The following GATA3 variants were observed in gnomAD, a reference collection of about 807,000 sequenced individuals.
GATA3 encodes the protein GATA binding protein 3, also known as trans-acting T-cell-specific transcription factor GATA-3.
GATA3 carries 6 observed loss-of-function variants against 36.0 expected under a neutral mutation model. The ratio of observed to expected loss-of-function variants is 0.17; its 90% CI spans 0.09 to 0.33. The LOEUF (loss-of-function observed/expected upper bound fraction) is 0.33. GATA3 is among the 10% of genes least tolerant of loss of function. The pLI, the probability that GATA3 is intolerant of heterozygous loss-of-function variation, is 1.00. For synonymous variants in GATA3, 326 were observed against 273.0 expected (o/e 1.19, Z -1.92); for missense variants, 514 against 610.1 (o/e 0.84, Z 1.66).
At chr10:8,065,374 C>T (rs1832819615) in intron 4 of GATA3, among the ~76,000 whole-genome samples, 1 of 148,826 alleles carries the variant, frequency 6.7e-6, no homozygotes, top group African/African-American at 2.5e-5. Context: ...TCTCCTGTCT[C>T]AGCCTCCTGA....
intron 3 of GATA3, among the ~76,000 whole-genome samples, chr10:8,060,567 G>C (rs530437344): frequency 1.3e-5 from 2 of 151,864 alleles, no homozygotes; most frequent in South Asian, 4.2e-4. Flanking sequence ...TTCTGGTAAG[G>C]CTATGAGGTT....
In GATA3 at chr10:8,074,174, G is replaced by A. The variant is rs1200871591; in HGVS notation, c.*151G>A. On this transcript the variant is annotated 3_prime_UTR_variant, in exon 6 of 6. Coordinates refer to ENST00000379328, the MANE Select transcript of GATA3 (RefSeq NM_001002295.2). ...AAAATTATGTTTGCCACTTTGCAAA[G>A]GAGCTCACTGTGGTGTCTGTGTTCC... 2 of 830,318 alleles carry A rather than the reference G, an allele frequency of 2.4e-6. No homozygotes were observed. The highest frequency in any genetic ancestry group is 3.7e-6 in the Non-Finnish European group (2 of 542,474). The allele number at this position is 830,318 out of a possible 1,614,324, so 51.4% of individuals were successfully genotyped here.
Position 8,074,203 on chromosome 10 carries a change from C to T in GATA3, c.*180C>T. ...CTCACTGTGGTGTCTGTGTTCCAAC[C>T]ACTGAATCTGGACCCCATCTGTGAA... is the stretch of plus-strand genomic sequence containing the variant. On this transcript the variant is annotated 3_prime_UTR_variant, in exon 6 of 6. Transcript: ENST00000379328. The T allele has an allele frequency of 1.5e-6, 1 of 665,550 alleles. No individual in the cohort carries two copies. The highest frequency in any genetic ancestry group is 2.5e-6 in the Non-Finnish European group (1 of 397,128). The allele number at this position is 665,550 out of a possible 1,614,324, so 41.2% of individuals were successfully genotyped here. A position where few individuals can be genotyped will look rare whatever the true frequency, so the allele number is the denominator to read the frequency against.
intron 3 of GATA3, among the ~76,000 whole-genome samples, chr10:8,061,890 C>G (rs1055297021): frequency 2.6e-5 from 4 of 152,224 alleles, no homozygotes; most frequent in African/African-American, 9.6e-5. Context: ...CTCACACTGC[C>G]CTCTGCCCAG....
chr10:8,064,307 TC>T (rs1832798811), intron 4 of GATA3, among the ~76,000 whole-genome samples, 169 bp downstream of exon 4: 7 of 111,920 alleles, frequency 6.3e-5, no homozygotes, highest in African/African-American at 1.9e-4. Context: ...CTTTTCTTCT[TC>T]TTCTTTTTTT....
At chr10:8,046,453 G>A (rs563572226) in intron 1 of GATA3, among the ~76,000 whole-genome samples, 3 of 152,278 alleles carry the variant, frequency 2.0e-5, no homozygotes, top group African/African-American at 7.2e-5. Flanking sequence ...TCACCAGGAT[G>A]CTGGGGTCGC....
chr10:8,063,918 C>A, intron 3 of GATA3, 75 bp from the exon 4 acceptor site: 1 of 1,605,562 alleles, frequency 6.2e-7, no homozygotes, highest in Non-Finnish European at 8.5e-7. Flanking sequence ...TACGTTTCTC[C>A]CCCAGTTCCA....
At chr10:8,060,665 T>A (rs1049132474) in intron 3 of GATA3, among the ~76,000 whole-genome samples, 7 of 152,122 alleles carry the variant, frequency 4.6e-5, no homozygotes, top group Admixed American at 1.3e-4. Context: ...TCTGGTTTCT[T>A]TACCCTCATT....
At chr10:8,063,484 A>C (rs1832782908) in intron 3 of GATA3, among the ~76,000 whole-genome samples, 1 of 152,206 alleles carries the variant, frequency 6.6e-6, no homozygotes, top group South Asian at 2.1e-4. Flanking sequence ...CTGTTCACCT[A>C]TCTAGCCATT....
At position 8,056,681 on chromosome 10, in the gene GATA3, C is replaced by A. The variant is rs145422427; in HGVS notation, c.241+785C>A. 1.5e-3 allele frequency among the ~76,000 whole-genome samples: 221 copies of A among 152,204 alleles called. 2 individuals carry two copies. Among genetic ancestry groups the A allele is most frequent in the African/African-American group, 5.1e-3 (213 of 41,514 alleles). On this transcript the variant is annotated intron_variant, in intron 2 of 5. Transcript: ENST00000379328. ...GCCTTACTCTGTCTCTGGGTACTGC[C>A]CTCCATTAGCCTCCCACCTAAGATG... is the stretch of plus-strand genomic sequence containing the variant.
At chr10:8,067,792 T>TG (rs1832870315) in intron 4 of GATA3, among the ~76,000 whole-genome samples, 1 of 152,194 alleles carries the variant, frequency 6.6e-6, no homozygotes, top group African/African-American at 2.4e-5. Context: ...CACTCCAGCC[T>TG]GGGCGACAGA....
intron 2 of GATA3, among the ~76,000 whole-genome samples, chr10:8,056,138 C>A (rs887448872): frequency 2.6e-5 from 4 of 152,136 alleles, no homozygotes; most frequent in African/African-American, 4.8e-5. Flanking sequence ...TGGGGCCTGG[C>A]GCTCACCTGG....
At position 8,055,803 on chromosome 10, in the gene GATA3, CT is replaced by C; in HGVS notation, c.153del (p.Phe51LeufsTer144). On this transcript the variant is annotated frameshift_variant, in exon 2 of 6. Coordinates refer to ENST00000379328, the MANE Select transcript of GATA3 (RefSeq NM_001002295.2). LOFTEE classifies it high-confidence loss of function. The surrounding 1 kb of genome is among the most constrained non-coding windows in gnomAD (Gnocchi z 5.4). ...QYPLPEEVDV[L>X]FNIDGQGNHV... ...CCCGCTGCCGGAGGAGGTGGATGTGCTTTTTAACATCGACGGTCAAGGCAAC... is the reference window on the plus strand; with the variant it reads ...CCCGCTGCCGGAGGAGGTGGATGTGCTTTTAACATCGACGGTCAAGGCAAC... The C allele has an allele frequency of 6.3e-7, 1 of 1,593,494 alleles. No individual in the cohort carries two copies. The highest frequency in any genetic ancestry group is 1.1e-5 in the South Asian group (1 of 87,626).
intron 3 of GATA3, among the ~76,000 whole-genome samples, chr10:8,059,941 G>T (rs1198215697): frequency 1.3e-5 from 2 of 152,146 alleles, no homozygotes; most frequent in African/African-American, 4.8e-5. Context: ...TCTTGCCTCC[G>T]CTGTCTCTCT....
At chr10:8,047,948 AG>A (rs1832412614) in intron 1 of GATA3, among the ~76,000 whole-genome samples, 1 of 152,050 alleles carries the variant, frequency 6.6e-6, no homozygotes, top group South Asian at 2.1e-4. Context: ...GCATGTCCAA[AG>A]GAAGACAAGA....
upstream of GATA3, among the ~76,000 whole-genome samples, chr10:8,049,913 G>A (rs149304801): frequency 5.3e-5 from 8 of 152,312 alleles, no homozygotes; most frequent in Non-Finnish European, 8.8e-5. Flanking sequence ...CGGTCCTCCG[G>A]CTTCTCTCCT....
At chr10:8,061,303 A>G (rs1832744962) in intron 3 of GATA3, among the ~76,000 whole-genome samples, 1 of 152,056 alleles carries the variant, frequency 6.6e-6, no homozygotes, top group African/African-American at 2.4e-5. Context: ...CTCCACTGCC[A>G]CCTTTCCAGT....
chr10:8,073,122 GC>G (rs777000171), intron 5 of GATA3, among the ~76,000 whole-genome samples: 50 of 147,388 alleles, frequency 3.4e-4, no homozygotes, highest in South Asian at 1.8e-3. Flanking sequence ...TCCAGCCTGG[GC>G]GACAGCGGGA....
chr10:8,055,809 A>G lies in GATA3; in HGVS notation c.154A>G (p.Asn52Asp). 1 of 1,593,272 alleles carries G rather than the reference A, an allele frequency of 6.3e-7. No individual in the cohort carries two copies. Among genetic ancestry groups the G allele is most frequent in the Non-Finnish European group, 8.5e-7 (1 of 1,169,918 alleles). The change falls in exon 2 of 6, where the codon AAC becomes GAC. Residue 52 changes from asparagine to aspartate, a missense_variant. Physicochemically the swap from Asn to Asp is conservative, Grantham distance 23. Transcript: ENST00000379328. The surrounding 1 kb of genome is among the most constrained non-coding windows in gnomAD (Gnocchi z 5.4). ...GCCGGAGGAGGTGGATGTGCTTTTTAACATCGACGGTCAAGGCAACCACGT... is the reference window on the plus strand; with the variant it reads ...GCCGGAGGAGGTGGATGTGCTTTTTGACATCGACGGTCAAGGCAACCACGT... The part of the protein sequence containing the change: ...PLPEEVDVLF[N>D]IDGQGNHVPP...
Sources: gnomAD v4.1 joint callset for allele counts (sites outside exome capture counted in the v4.1 genomes callset) on GRCh38, gnomAD v4.1.1 for gene constraint, Gnocchi (gnomAD v3.1) non-coding constraint, MANE v1.5 for transcripts, NCBI Gene and HGNC (gene_info 2026-07-23, HGNC 2026-07-21) for gene names.